ANKLE2: variants seen among roughly 807,000 people sequenced by gnomAD.
ANKLE2 encodes ankyrin repeat and LEM domain containing 2.
Under a neutral mutation model 84.2 loss-of-function variants are expected in ANKLE2, and 55 were observed. The ratio of observed to expected loss-of-function variants is 0.65; its 90% CI spans 0.53 to 0.82. ANKLE2 has a LOEUF of 0.82. Ranked by LOEUF, ANKLE2 falls within the 40% of genes least tolerant of loss-of-function variation. ANKLE2 has a pLI of 0.00. For synonymous variants in ANKLE2, 551 were observed against 486.1 expected (o/e 1.13, Z -1.76); for missense variants, 1,238 against 1,201.9 (o/e 1.03, Z -0.44).
intron 7 of ANKLE2, chr12:132,737,317 G>GAAAGA (rs951316760): frequency 2.4e-6 from 1 of 417,842 alleles, no homozygotes; most frequent in African/African-American, 2.0e-5. Flanking sequence ...TACAAGAAAA[G>GAAAGA]AAAGAAAAGA....
rs2044438573 is a variant in ANKLE2 at position 132,754,742 on chromosome 12, A to C, written c.573T>G (p.Thr191=). 1 of 1,614,048 alleles carries C rather than the reference A, an allele frequency of 6.2e-7. No individual in the cohort carries two copies. The highest frequency in any genetic ancestry group is 8.5e-7 in the Non-Finnish European group (1 of 1,180,048). Residue 191 remains threonine (T), a synonymous_variant, in exon 2 of 13, where the codon ACT becomes ACG. Transcript: ENST00000357997. ...SDTDTYRAGA[T]ASKEPPLYYG... ...AGTACAGGGGCGGCTCCTTAGACGC[A>C]GTCGCTCCAGCTCTGTAGGTGTCGG...
rs2044446964 is a variant in ANKLE2, at chr12:132,754,992, T to C, written c.323A>G (p.Gln108Arg). The part of the protein sequence containing the change: ...TRFIFEKKLA[Q>R]ALLEQGGRLS... ...CCTTCCTCCTTGCTCCAGTAAAGCCTGAGCCAATTTTTTCTCAAAAATGAA... is the reference window on the plus strand; with the variant it reads ...CCTTCCTCCTTGCTCCAGTAAAGCCCGAGCCAATTTTTTCTCAAAAATGAA... The change falls in exon 2 of 13, where the codon CAG (glutamine) becomes CGG (arginine). Residue 108 changes from glutamine to arginine, a missense_variant. This residue lies in a region of ANKLE2 where 422 missense variants were observed against 394.5 expected (regional missense o/e 1.07). Coordinates refer to ENST00000357997, the MANE Select transcript of ANKLE2 (RefSeq NM_015114.3). 6.2e-7 allele frequency: 1 copy of C among 1,614,208 alleles called. No individual in the cohort carries two copies. The highest frequency in any genetic ancestry group is 1.3e-5 in the African/African-American group (1 of 75,068).
chr12:132,730,129 G>C lies in ANKLE2; in HGVS notation c.2033C>G (p.Pro678Arg), dbSNP rs1272600012. 1.2e-6 allele frequency: 2 copies of C among 1,612,416 alleles called. No individual in the cohort carries two copies. The highest frequency in any genetic ancestry group is 1.7e-6 in the Non-Finnish European group (2 of 1,179,754). ...AFGHTRCSAF[P>R]LEQEADLIEA... is the part of the protein sequence containing the mutation. ...TATGAGGTCTGCCTCCTGCTCCAAG[G>C]GGAAGGCGCTGCACCTCGTATGTCC... The change falls in exon 11 of 13, where the codon CCC (proline) becomes CGC (arginine). Residue 678 changes from proline (P) to arginine (R), a missense_variant. Transcript: ENST00000357997.
At position 132,743,109 on chromosome 12, in the gene ANKLE2, C is replaced by T; in HGVS notation, c.1353+45G>A. 1 of 1,523,190 alleles carries T rather than the reference C, an allele frequency of 6.6e-7. No homozygotes were observed. Among genetic ancestry groups the T allele is most frequent in the Non-Finnish European group, 8.9e-7 (1 of 1,127,474 alleles). 94.4% of individuals were successfully genotyped at this position (1,523,190 alleles called of 1,614,324 possible). A position where few individuals can be genotyped will look rare whatever the true frequency, so the allele number is the denominator to read the frequency against. On this transcript the variant is annotated intron_variant, in intron 6 of 12. Coordinates refer to ENST00000357997, the MANE Select transcript of ANKLE2 (RefSeq NM_015114.3). The surrounding 1 kb of genome is among the most constrained non-coding windows in gnomAD (Gnocchi z 4.1). Reference sequence around the variant, plus strand: ...TCACAGACTGTAAATTTATATATTTCCATTTCTAACTCTAGATAGCAACTG... The same window carrying T: ...TCACAGACTGTAAATTTATATATTTTCATTTCTAACTCTAGATAGCAACTG...
chr12:132,759,676 C>T (rs1394917123), intron 1 of ANKLE2: 2 of 129,168 alleles, frequency 1.5e-5, no homozygotes, highest in African/African-American at 1.0e-4. Context: ...GCCACCTTGT[C>T]CGCAGCTCTG....
At position 132,743,064 on chromosome 12, in the gene ANKLE2, T is replaced by C. The variant is rs1394551742; in HGVS notation, c.1353+90A>G. ...AACACAACTCATACAGAGCTCCTTGTGGCTTCCCTGTGCCTGTGATCACAG... is the reference window on the plus strand; with the variant it reads ...AACACAACTCATACAGAGCTCCTTGCGGCTTCCCTGTGCCTGTGATCACAG... On this transcript the variant is annotated intron_variant, in intron 6 of 12. Transcript: ENST00000357997. The surrounding 1 kb of genome is among the most constrained non-coding windows in gnomAD (Gnocchi z 4.1). The C allele has an allele frequency of 1.5e-6, 2 of 1,293,762 alleles. No homozygotes were observed. Among genetic ancestry groups the C allele is most frequent in the African/African-American group, 1.5e-5 (1 of 66,232 alleles). The allele number at this position is 1,293,762 out of a possible 1,614,324, so 80.1% of individuals were successfully genotyped here.
intron 3 of ANKLE2, among the ~76,000 whole-genome samples, chr12:132,750,003 T>TA (rs1237273143): frequency 6.6e-6 from 1 of 151,796 alleles, no homozygotes; most frequent in Non-Finnish European, 1.5e-5. Flanking sequence ...CCTGTCTCCA[T>TA]AAAAAAAGTT....
At chr12:132,736,472 A>G (rs369872133) in intron 8 of ANKLE2, among the ~76,000 whole-genome samples, 2 of 152,206 alleles carry the variant, frequency 1.3e-5, no homozygotes, top group South Asian at 4.1e-4. Flanking sequence ...TCTGAGAGGA[A>G]GCCAGCGGGG....
Position 132,761,803 on chromosome 12 carries a change from G to A in ANKLE2, c.-5C>T, listed in dbSNP as rs894830386. 64 of 1,057,058 alleles carry A rather than the reference G, an allele frequency of 6.1e-5. No individual in the cohort carries two copies. The highest frequency in any genetic ancestry group is 4.3e-4 in the Middle Eastern group (1 of 2,344). 65.5% of individuals were successfully genotyped at this position (1,057,058 alleles called of 1,614,324 possible). On this transcript the variant is annotated 5_prime_UTR_variant, in exon 1 of 13. Transcript: ENST00000357997. ...CGCCAGCCGCGGCCACAGCATCGCCGCCGCCCGGGCCGCAGCCGCCGAGAA... is the reference window on the plus strand; with the variant it reads ...CGCCAGCCGCGGCCACAGCATCGCCACCGCCCGGGCCGCAGCCGCCGAGAA...
At position 132,741,657 on chromosome 12, in the gene ANKLE2, A is replaced by C. The variant is rs78365446; in HGVS notation, c.1354-172T>G. 0.015 allele frequency: 10,074 copies of C among 692,258 alleles called. 692 individuals are homozygous for C. In the African/African-American group the frequency reaches 0.15, roughly 11 times the overall value. 42.9% of individuals were successfully genotyped at this position (692,258 alleles called of 1,614,324 possible). A position where few individuals can be genotyped will look rare whatever the true frequency, so the allele number is the denominator to read the frequency against. On this transcript the variant is annotated intron_variant, in intron 6 of 12. Transcript: ENST00000357997. Reference sequence around the variant, plus strand: ...GTGTGAAGAGTGTGGTCTTTCTAAAAGTCTAAGGAGACAGCTAGGAGAACA... The same window carrying C: ...GTGTGAAGAGTGTGGTCTTTCTAAACGTCTAAGGAGACAGCTAGGAGAACA...
At chr12:132,730,397 T>C (rs558773047) in intron 10 of ANKLE2, 127 bp from the exon 11 acceptor site, 1 of 128,918 alleles carries the variant, frequency 7.8e-6, no homozygotes, top group South Asian at 1.4e-4. Context: ...ACCTCCCCAC[T>C]CCATCCGCGA....
In ANKLE2 at chr12:132,755,082, T is replaced by A; in HGVS notation, c.233A>T (p.Asp78Val). The A allele has an allele frequency of 6.2e-7, 1 of 1,613,160 alleles. No individual in the cohort carries two copies. Among genetic ancestry groups the A allele is most frequent in the African/African-American group, 1.3e-5 (1 of 75,028 alleles). Residue 78 changes from aspartate (D) to valine (V), a missense_variant, in exon 2 of 13, where the codon GAT (aspartate) becomes GTT (valine). By Grantham distance (152) the Asp-to-Val change is radical. Coordinates refer to ENST00000357997, the MANE Select transcript of ANKLE2 (RefSeq NM_015114.3). Reference protein sequence around the residue: ...LLARLKLLNPDDLREEIVKAG... With the variant: ...LLARLKLLNPVDLREEIVKAG... ...TTTGACGATTTCTTCTCTAAGGTCA[T>A]CTGGATTCAGAAGTTTCAATCGAGC...
chr12:132,752,782 C>T (rs183836086), intron 2 of ANKLE2, among the ~76,000 whole-genome samples: 1 of 152,322 alleles, frequency 6.6e-6, no homozygotes, highest in African/African-American at 2.4e-5. Flanking sequence ...AATAACAATA[C>T]TCATAACAGT....
chr12:132,735,238 T>C lies in ANKLE2; in HGVS notation c.1700+168A>G, dbSNP rs2043983975. Reference sequence around the variant, plus strand: ...GGTCTGGGACGGGACTGGCTTAAGCTAGAATTCCACAACATCCACAAGGAA... The same window carrying C: ...GGTCTGGGACGGGACTGGCTTAAGCCAGAATTCCACAACATCCACAAGGAA... On this transcript the variant is annotated intron_variant, in intron 9 of 12. Transcript: ENST00000357997. The C allele has an allele frequency of 7.6e-6, 5 of 660,870 alleles. No homozygotes were observed. The South Asian group carries it at 9.0e-5, about 12-fold the overall frequency. 40.9% of individuals were successfully genotyped at this position (660,870 alleles called of 1,614,324 possible).
chr12:132,750,711 G>A lies in ANKLE2; in HGVS notation c.779C>T (p.Pro260Leu), dbSNP rs1376555642. Residue 260 changes from proline to leucine, a missense_variant, in exon 3 of 13, where the codon CCA becomes CTA. Transcript: ENST00000357997. ...ARGICDYFPS[P>L]SKTSLPLSPV... ...AGACAGTGGTAAGGACGTTTTGCTT[G>A]GAGAAGGGAAATAATCACAAATTCC... is the stretch of plus-strand genomic sequence containing the variant. 11 of 1,614,126 alleles carry A rather than the reference G, an allele frequency of 6.8e-6. No individual in the cohort carries two copies. The East Asian group carries it at 2.2e-4, about 33-fold the overall frequency.
Position 132,728,157 on chromosome 12 carries a change from C to A in ANKLE2, c.2490G>T (p.Glu830Asp). ...AAACATCCTGATCGAGTTTTGATGGCTCCTCTCTAGAAAGCACAATAAAAG... is the reference window on the plus strand; with the variant it reads ...AAACATCCTGATCGAGTTTTGATGGATCCTCTCTAGAAAGCACAATAAAAG... ...PARRLFLFGE[E>D]PSKLDQDVLA... The change falls in exon 12 of 13, where the codon GAG becomes GAT. Residue 830 changes from glutamate (E) to aspartate (D), a missense_variant. By Grantham distance (45) the Glu-to-Asp change is conservative. Around this residue, in one of 3 missense-constraint regions of ANKLE2, gnomAD observed 802 missense variants for 774.5 expected, o/e 1.04. Coordinates refer to ENST00000357997, the MANE Select transcript of ANKLE2 (RefSeq NM_015114.3). 6.2e-6 allele frequency: 10 copies of A among 1,612,470 alleles called. No homozygotes were observed. The highest frequency in any genetic ancestry group is 8.5e-6 in the Non-Finnish European group (10 of 1,179,838).
At position 132,755,207 on chromosome 12, in the gene ANKLE2, G is replaced by A. The variant is rs1593182490; in HGVS notation, c.182-74C>T. The stretch of plus-strand genomic sequence containing the variant: ...CTGAAGCTGGGTGATGGGTACTAGG[G>A]TTCATTATATAATGGCATCAGTTTC... On this transcript the variant is annotated intron_variant, in intron 1 of 12. Coordinates refer to ENST00000357997, the MANE Select transcript of ANKLE2 (RefSeq NM_015114.3). 8.3e-6 allele frequency: 11 copies of A among 1,324,964 alleles called. No individual in the cohort carries two copies. In the East Asian group the frequency reaches 2.3e-4, roughly 28 times the overall value. 82.1% of individuals were successfully genotyped at this position (1,324,964 alleles called of 1,614,324 possible).
chr12:132,725,897 G>A lies in ANKLE2; in HGVS notation c.*1345C>T, dbSNP rs367674893. 12 of 152,218 alleles carry A rather than the reference G, an allele frequency of 7.9e-5. No individual in the cohort carries two copies. The highest frequency in any genetic ancestry group is 3.4e-3 in the Middle Eastern group (1 of 294). The allele number at this position is 152,218 out of a possible 1,614,324, so 9.4% of individuals were successfully genotyped here. On this transcript the variant is annotated 3_prime_UTR_variant, in exon 13 of 13. Transcript: ENST00000357997. Reference sequence around the variant, plus strand: ...TGAACACACCCTGTGTAACAAAATCGAATTTTAACATTTAAATCTTGATTC... The same window carrying A: ...TGAACACACCCTGTGTAACAAAATCAAATTTTAACATTTAAATCTTGATTC...
rs754194446 is a variant in ANKLE2, at chr12:132,730,178, T to C, written c.1984A>G (p.Ser662Gly). 1.2e-6 allele frequency: 2 copies of C among 1,606,804 alleles called. No individual in the cohort carries two copies. The highest frequency in any genetic ancestry group is 1.7e-6 in the Non-Finnish European group (2 of 1,176,008). Residue 662 changes from serine (S) to glycine (G), a missense_variant, in exon 11 of 13, where the codon AGC (serine) becomes GGC (glycine). Ser to Gly is a moderately conservative substitution (Grantham distance 56). This residue lies in a region of ANKLE2 where 802 missense variants were observed against 774.5 expected (regional missense o/e 1.04). Transcript: ENST00000357997. The stretch of plus-strand genomic sequence containing the variant: ...CCAAAAGCACCGACTGTGGGCGGGC[T>C]GTTATTTCGAGCTGCATTTTGCCGA... ...KNRQNAARNN[S>G]PPTVGAFGHT...
Sources: allele counts gnomAD v4.1 joint callset (sites outside exome capture counted in the v4.1 genomes callset), GRCh38; gene constraint gnomAD v4.1.1; regional missense constraint gnomAD v4.1.1; non-coding constraint Gnocchi (gnomAD v3.1); transcripts MANE v1.5; gene names NCBI Gene and HGNC (gene_info 2026-07-23, HGNC 2026-07-21).